Variants in TOP1 observed in about 807,000 individuals in gnomAD.
TOP1 encodes DNA topoisomerase I, also known as DNA topoisomerase 1.
In TOP1, 10 loss-of-function variants were observed where a neutral mutation model predicts 111.1. The observed-to-expected ratio is 0.09, with a 90% confidence interval of 0.06 to 0.15. The LOEUF (loss-of-function observed/expected upper bound fraction) is 0.15. TOP1 is among the 10% of genes least tolerant of loss of function. The pLI, the probability that TOP1 is intolerant of heterozygous loss-of-function variation, is 1.00. For synonymous variants in TOP1, 271 were observed against 302.9 expected, an observed-to-expected ratio of 0.89 and a Z score of 1.10; for missense variants, 474 against 926.7, an observed-to-expected ratio of 0.51 and a Z score of 6.34.
chr20:41,120,713 G>C (rs2034408705), intron 18 of TOP1, among the ~76,000 whole-genome samples: 1 of 152,226 alleles, frequency 6.6e-6, no homozygotes, highest in East Asian at 1.9e-4. Flanking sequence ...CATCCATTGA[G>C]TGACAACTAA....
rs2033971145 is a variant in TOP1 at position 41,095,533 on chromosome 20, C to T, written c.731-1687C>T. ...AAGTGTCTTTCTTCCAAAGCAGAAG[C>T]TTGGGGGTTGATGGGGGCAGCTGCG... On this transcript the variant is annotated intron_variant, in intron 9 of 20. Transcript: ENST00000361337. The surrounding 1 kb of genome is among the most constrained non-coding windows in gnomAD (Gnocchi z 4.6). 2.0e-5 allele frequency among the ~76,000 whole-genome samples: 3 copies of T among 152,128 alleles called. No individual in the cohort carries two copies. In the South Asian group the frequency reaches 6.2e-4, roughly 31 times the overall value.
intron 13 of TOP1, among the ~76,000 whole-genome samples, chr20:41,111,757 G>A (rs1166577496): frequency 2.0e-5 from 3 of 152,056 alleles, no homozygotes; most frequent in Non-Finnish European, 4.4e-5. Context: ...CCTTTGTTGC[G>A]GGTGGGGAAA....
intron 2 of TOP1, among the ~76,000 whole-genome samples, chr20:41,041,724 G>C (rs942182126): frequency 4.6e-5 from 7 of 152,136 alleles, no homozygotes; most frequent in African/African-American, 1.4e-4. Flanking sequence ...CATTTTTAAT[G>C]TATCTTCAAC....
chr20:41,119,935 A>G (rs1345065237), intron 18 of TOP1, among the ~76,000 whole-genome samples: 1 of 152,232 alleles, frequency 6.6e-6, no homozygotes, highest in Non-Finnish European at 1.5e-5. Context: ...TGTTTACCTA[A>G]TTCAGGAAAA....
chr20:41,113,476 G>T (rs989023133), intron 14 of TOP1, among the ~76,000 whole-genome samples: 3 of 152,118 alleles, frequency 2.0e-5, no homozygotes, highest in Admixed American at 1.3e-4. Flanking sequence ...CATAGTGAGT[G>T]GGGGAGGAAG....
At position 41,073,022 on chromosome 20, in the gene TOP1, T is replaced by C. The variant is rs1172406798; in HGVS notation, c.156-3149T>C. 5 of 985,442 alleles carry C rather than the reference T, an allele frequency of 5.1e-6. No homozygotes were observed. The East Asian group carries it at 5.7e-4, about 112-fold the overall frequency. 61.0% of individuals were successfully genotyped at this position (985,442 alleles called of 1,614,324 possible). A position where few individuals can be genotyped will look rare whatever the true frequency, so the allele number is the denominator to read the frequency against. On this transcript the variant is annotated intron_variant, in intron 3 of 20. Transcript: ENST00000361337. The stretch of plus-strand genomic sequence containing the variant: ...TCTAGCAGGAACTTTGAATTTCCTA[T>C]ATACATCTCTTTCTGGTTAGCAGGC...
Position 41,106,412 on chromosome 20 carries a change from T to C in TOP1, c.1308+5059T>C, listed in dbSNP as rs2034146360. Among the ~76,000 whole-genome samples, 1 of 152,240 alleles carries C rather than the reference T, an allele frequency of 6.6e-6. No homozygotes were observed. On this transcript the variant is annotated intron_variant, in intron 13 of 20. Transcript: ENST00000361337. This position sits in a 1 kb window ranked among gnomAD's most constrained non-coding sequence, Gnocchi z 4.3. ...ATTCTAATGAAAACTGTTGATAAAC[T>C]TGTTGATTAACAAATTCTAATAAAA...
At chr20:41,077,429 T>G (rs937120557) in intron 4 of TOP1, among the ~76,000 whole-genome samples, 153 bp from the exon 5 acceptor site, 1 of 152,214 alleles carries the variant, frequency 6.6e-6, no homozygotes, top group African/African-American at 2.4e-5. Flanking sequence ...TTGGACACAT[T>G]TCAGGACCTT....
Position 41,123,396 on chromosome 20 carries a change from C to G in TOP1, c.*99C>G. 1 of 803,680 alleles carries G rather than the reference C, an allele frequency of 1.2e-6. No individual in the cohort carries two copies. The highest frequency in any genetic ancestry group is 2.4e-5 in the Admixed American group (1 of 41,580). 49.8% of individuals were successfully genotyped at this position (803,680 alleles called of 1,614,324 possible). Reference sequence around the variant, plus strand: ...TGCCCTCGTGCCTGGGGGAGAGAGGCAGCAAGTCTTAACAAACCAACATCT... The same window carrying G: ...TGCCCTCGTGCCTGGGGGAGAGAGGGAGCAAGTCTTAACAAACCAACATCT... On this transcript the variant is annotated 3_prime_UTR_variant, in exon 21 of 21. Coordinates refer to ENST00000361337, the MANE Select transcript of TOP1 (RefSeq NM_003286.4). The surrounding 1 kb of genome is among the most constrained non-coding windows in gnomAD (Gnocchi z 5.8).
At chr20:41,085,704 A>AT (rs1255533290) in intron 8 of TOP1, among the ~76,000 whole-genome samples, 1 of 152,080 alleles carries the variant, frequency 6.6e-6, no homozygotes, top group Admixed American at 6.6e-5. Flanking sequence ...TCATAATTTG[A>AT]TGTATAGCCT....
At chr20:41,105,223 A>G (rs1167718326) in intron 13 of TOP1, among the ~76,000 whole-genome samples, 2 of 152,210 alleles carry the variant, frequency 1.3e-5, no homozygotes, top group African/African-American at 4.8e-5. Context: ...TACAATATGT[A>G]ACACACTAGT....
At chr20:41,054,495 G>A (rs756696234) in intron 2 of TOP1, among the ~76,000 whole-genome samples, 3 of 152,114 alleles carry the variant, frequency 2.0e-5, no homozygotes, top group Non-Finnish European at 4.4e-5. Context: ...CGTGAGAATG[G>A]ACTAATACAG....
intron 2 of TOP1, among the ~76,000 whole-genome samples, chr20:41,049,212 C>T (rs116882347): frequency 0.013 from 1,940 of 152,228 alleles, 21 homozygotes; most frequent in Non-Finnish European, 0.02. Flanking sequence ...TGTTTAAGAA[C>T]CTAATTCTTG....
intron 13 of TOP1, among the ~76,000 whole-genome samples, chr20:41,111,871 A>T (rs750805515): frequency 4.0e-5 from 6 of 151,580 alleles, no homozygotes; most frequent in Non-Finnish European, 7.4e-5. Context: ...GATTTCTTGA[A>T]TTTTTTTCCC....
intron 8 of TOP1, among the ~76,000 whole-genome samples, chr20:41,089,126 G>A (rs1600582108): frequency 6.7e-6 from 1 of 149,162 alleles, no homozygotes; most frequent in African/African-American, 2.5e-5. Context: ...CTGGGTTCAA[G>A]CAATTCTCCT....
Position 41,102,625 on chromosome 20 carries a change from T to C in TOP1, c.1308+1272T>C, listed in dbSNP as rs930272387. On this transcript the variant is annotated intron_variant, in intron 13 of 20. Coordinates refer to ENST00000361337, the MANE Select transcript of TOP1 (RefSeq NM_003286.4). This position sits in a 1 kb window ranked among gnomAD's most constrained non-coding sequence, Gnocchi z 4.0. ...ACTCTGTCTCAAATAAATAACTAAA[T>C]ACATAAATAAAAATAAAATGTAGTT... is the stretch of plus-strand genomic sequence containing the variant. Among the ~76,000 whole-genome samples, 13 of 152,058 alleles carry C rather than the reference T, an allele frequency of 8.5e-5. No homozygotes were observed. The highest frequency in any genetic ancestry group is 1.5e-4 in the Non-Finnish European group (10 of 68,002).
intron 3 of TOP1, among the ~76,000 whole-genome samples, chr20:41,068,197 C>T (rs944864880): frequency 6.6e-6 from 1 of 152,238 alleles, no homozygotes; most frequent in South Asian, 2.1e-4. Context: ...CTTTATCTCT[C>T]TTTGTCCCCA....
At chr20:41,060,691 A>G (rs1386019637) in intron 2 of TOP1, among the ~76,000 whole-genome samples, 1 of 152,192 alleles carries the variant, frequency 6.6e-6, no homozygotes, top group Non-Finnish European at 1.5e-5. Flanking sequence ...TAGTATACCA[A>G]AATTTGCAGA....
At chr20:41,036,856 A>C (rs769220524) in intron 2 of TOP1, among the ~76,000 whole-genome samples, 1 of 110,384 alleles carries the variant, frequency 9.1e-6, no homozygotes, top group African/African-American at 3.6e-5. Flanking sequence ...TTTGAGATGG[A>C]GTCTCACTCT....
Sources: gnomAD v4.1 joint callset for allele counts (sites outside exome capture counted in the v4.1 genomes callset) on GRCh38, gnomAD v4.1.1 for gene constraint, Gnocchi (gnomAD v3.1) non-coding constraint, MANE v1.5 for transcripts, NCBI Gene and HGNC (gene_info 2026-07-23, HGNC 2026-07-21) for gene names.